Variants in MBOAT1 observed in about 807,000 individuals in gnomAD.
The protein encoded by MBOAT1 is membrane bound glycerophospholipid O-acyltransferase 1.
A neutral mutation model predicts 64.4 loss-of-function variants in MBOAT1; 67 were observed. The observed-to-expected ratio is 1.04, with a 90% confidence interval of 0.85 to 1.27. The LOEUF (loss-of-function observed/expected upper bound fraction) is 1.27, where lower values mean the gene tolerates loss of function less well. Ranked by LOEUF, MBOAT1 falls within the 50% of genes most tolerant of loss-of-function variation. The pLI, the probability that MBOAT1 is intolerant of heterozygous loss-of-function variation, is 0.00. For missense variants in MBOAT1, 563 were observed against 604.6 expected (o/e 0.93, Z 0.72); for synonymous variants, 229 against 218.9 (o/e 1.05, Z -0.41).
rs67093680 is a variant in MBOAT1 at position 20,152,339 on chromosome 6, TAA to T, written c.245+283_245+284del. Among the ~76,000 whole-genome samples, 1,022 of 136,050 alleles carry T rather than the reference TAA, an allele frequency of 7.5e-3. 25 individuals are homozygous for T. Among genetic ancestry groups the T allele is most frequent in the African/African-American group, 0.026 (955 of 36,092 alleles). The allele number at this position is 136,050 out of a possible 152,430, so 89.3% of individuals were successfully genotyped here. A position where few individuals can be genotyped will look rare whatever the true frequency, so the allele number is the denominator to read the frequency against. On this transcript the variant is annotated intron_variant, in intron 2 of 12. Coordinates refer to ENST00000324607, the MANE Select transcript of MBOAT1 (RefSeq NM_001080480.3). ...GAGACTCCGTCTCAAAAAAAAAAAA[TAA>T]AAAATAAATAAATAAATAAATAAAT...
chr6:20,178,044 T>C (rs1762400152), intron 1 of MBOAT1, among the ~76,000 whole-genome samples: 1 of 152,124 alleles, frequency 6.6e-6, no homozygotes, highest in African/African-American at 2.4e-5. Flanking sequence ...ACCTGAAAGG[T>C]TCTCAGTGCT....
At chr6:20,199,839 G>A (rs1444930676) in intron 1 of MBOAT1, among the ~76,000 whole-genome samples, 1 of 152,092 alleles carries the variant, frequency 6.6e-6, no homozygotes, top group African/African-American at 2.4e-5. Context: ...GTGGTGGCGG[G>A]CACCTATAAT....
intron 1 of MBOAT1, among the ~76,000 whole-genome samples, chr6:20,163,256 G>T (rs879347424): frequency 6.6e-6 from 1 of 151,790 alleles, no homozygotes; most frequent in Admixed American, 6.6e-5. Flanking sequence ...GGACCATTTA[G>T]GACTCTTAAA....
chr6:20,102,463 G>T (rs761457219), intron 12 of MBOAT1, 51 bp from the exon 13 acceptor site: 2 of 1,470,670 alleles, frequency 1.4e-6, no homozygotes, highest in Admixed American at 3.6e-5. Flanking sequence ...ATGTAGATGG[G>T]AAACACCACC....
chr6:20,115,500 C>A, intron 9 of MBOAT1, 148 bp from the exon 10 acceptor site: 1 of 616,832 alleles, frequency 1.6e-6, no homozygotes, highest in South Asian at 2.1e-5. Context: ...TTCCATCCTA[C>A]ACAGGACAAT....
chr6:20,184,030 CCT>C (rs911316712), intron 1 of MBOAT1, among the ~76,000 whole-genome samples: 5 of 152,168 alleles, frequency 3.3e-5, no homozygotes, highest in African/African-American at 7.2e-5. Context: ...ATTATCTCCC[CCT>C]GTGTCCCTCA....
At chr6:20,207,319 C>T (rs1232555255) in intron 1 of MBOAT1, among the ~76,000 whole-genome samples, 4 of 152,170 alleles carry the variant, frequency 2.6e-5, no homozygotes, top group Non-Finnish European at 4.4e-5. Context: ...TTAAACCCTG[C>T]GATGTCCTCC....
chr6:20,135,694 C>G (rs1324262758), intron 4 of MBOAT1, among the ~76,000 whole-genome samples: 3 of 152,092 alleles, frequency 2.0e-5, no homozygotes, highest in African/African-American at 7.2e-5. Context: ...GACATTCAAG[C>G]CTCTGATGTT....
chr6:20,120,006 C>CGTTT (rs1554116220), intron 8 of MBOAT1, among the ~76,000 whole-genome samples: 3 of 150,628 alleles, frequency 2.0e-5, no homozygotes, highest in Non-Finnish European at 4.4e-5. Context: ...TGTGTGTGTG[C>CGTTT]GTGTGTGTGT....
intron 9 of MBOAT1, among the ~76,000 whole-genome samples, chr6:20,117,200 G>A (rs9358302): frequency 0.3 from 45,101 of 151,964 alleles, 7,680 homozygotes; most frequent in Non-Finnish European, 0.37. Context: ...TGCTCCTACA[G>A]CATCTGCCAA....
Position 20,113,011 on chromosome 6 carries a change from G to C in MBOAT1, c.1077-3C>G, listed in dbSNP as rs530217897. 8.1e-6 allele frequency: 13 copies of C among 1,611,656 alleles called. No homozygotes were observed. The highest frequency in any genetic ancestry group is 1.3e-5 in the African/African-American group (1 of 74,920). On this transcript the variant is annotated splice_region_variant and splice_polypyrimidine_tract_variant and intron_variant, in intron 10 of 12. Transcript: ENST00000324607. ...ATGGAACCCGCTGATAGCACACACT[G>C]TGAAGAGAGGAAGGAACAAGACACA...
intron 4 of MBOAT1, among the ~76,000 whole-genome samples, chr6:20,142,797 G>A (rs1761217474): frequency 1.3e-5 from 2 of 152,174 alleles, no homozygotes; most frequent in South Asian, 4.1e-4. Context: ...CTGAAGGATT[G>A]AGAAAGCACG....
chr6:20,196,862 CA>C (rs58418526), intron 1 of MBOAT1, among the ~76,000 whole-genome samples: 97,511 of 145,888 alleles, frequency 0.67, 31,881 homozygotes, highest in Admixed American at 0.74. Flanking sequence ...AACTCCATCT[CA>C]AAAAAAAAAA....
At chr6:20,161,495 T>C (rs1027154771) in intron 1 of MBOAT1, among the ~76,000 whole-genome samples, 5 of 151,710 alleles carry the variant, frequency 3.3e-5, no homozygotes, top group Non-Finnish European at 7.4e-5. Context: ...GCCAAAAAGG[T>C]TGGGGACTGC....
rs79524668 is a variant in MBOAT1, at chr6:20,104,816, C to T, written c.1362-2404G>A. On this transcript the variant is annotated intron_variant, in intron 12 of 12. Transcript: ENST00000324607. ...AATATTTATAGAATAGTGAAGAGCT[C>T]GAACAGAAGCAAACATACATGCATT... Among the ~76,000 whole-genome samples, 1,223 of 152,250 alleles carry T rather than the reference C, an allele frequency of 8.0e-3. 17 individuals carry two copies. The highest frequency in any genetic ancestry group is 0.028 in the African/African-American group (1,177 of 41,530).
rs1181563761 is a variant in MBOAT1, at chr6:20,182,192, A to T, written c.100-29423T>A. Among the ~76,000 whole-genome samples the T allele has an allele frequency of 2.6e-5, 4 of 152,318 alleles. No individual in the cohort carries two copies. In the South Asian group the frequency reaches 8.3e-4, roughly 32 times the overall value. On this transcript the variant is annotated intron_variant, in intron 1 of 12. Transcript: ENST00000324607. ...AGACTAGGTAATTTGTAAACAACAG[A>T]CATGTATTGCTCATGGATCCAGAGG...
intron 3 of MBOAT1, among the ~76,000 whole-genome samples, chr6:20,148,869 G>T (rs1465713591): frequency 6.6e-6 from 1 of 152,138 alleles, no homozygotes; most frequent in Admixed American, 6.5e-5. Context: ...TTGGAAGGCT[G>T]AGGCAGGCAG....
Position 20,145,762 on chromosome 6 carries a change from CCTT to C in MBOAT1, c.324-1450_324-1448del, listed in dbSNP as rs572448568. On this transcript the variant is annotated intron_variant, in intron 3 of 12. Coordinates refer to ENST00000324607, the MANE Select transcript of MBOAT1 (RefSeq NM_001080480.3). The stretch of plus-strand genomic sequence containing the variant: ...CAGGCAAGATGTCTTTCTGCATGCT[CCTT>C]CTTCTGACTGCAATTCCCATCTCCA... Among the ~76,000 whole-genome samples, 44 of 152,332 alleles carry C rather than the reference CCTT, an allele frequency of 2.9e-4. No homozygotes were observed. In the South Asian group the frequency reaches 8.7e-3, roughly 30 times the overall value.
chr6:20,172,995 G>A (rs1449400459), intron 1 of MBOAT1, among the ~76,000 whole-genome samples: 1 of 152,166 alleles, frequency 6.6e-6, no homozygotes, highest in African/African-American at 2.4e-5. Context: ...GTGATAGTGA[G>A]TGAGTTCTCA....
Sources: allele counts gnomAD v4.1 joint callset (sites outside exome capture counted in the v4.1 genomes callset), GRCh38; gene constraint gnomAD v4.1.1; transcripts MANE v1.5; gene names NCBI Gene and HGNC (gene_info 2026-07-23, HGNC 2026-07-21).